Variants in CNBD2 observed in about 807,000 individuals in gnomAD.
CNBD2 encodes cyclic nucleotide-binding domain-containing protein 2.
In CNBD2, 64 loss-of-function variants were observed where a neutral mutation model predicts 63.7. That is an observed-to-expected ratio of 1.00 (90% CI 0.82 to 1.24). CNBD2 has a LOEUF of 1.24. CNBD2 is among the 50% of genes most tolerant of loss of function. The probability of loss-of-function intolerance (pLI) is 0.00; values close to 1 mark genes in which losing one functional copy is unlikely to be tolerated. For synonymous variants in CNBD2, 229 were observed against 255.4 expected (o/e 0.90, Z 0.99); for missense variants, 691 against 713.5 (o/e 0.97, Z 0.36).
chr20:36,024,354 C>T (rs111913087), intron 11 of CNBD2, among the ~76,000 whole-genome samples: 7,403 of 150,136 alleles, frequency 0.049, 454 homozygotes, highest in African/African-American at 0.14. Context: ...TAAGGCTGAG[C>T]GTGGTGGCTC....
downstream of CNBD2, among the ~76,000 whole-genome samples, chr20:35,956,036 ATCC>A (rs1458549884): frequency 5.9e-5 from 9 of 152,312 alleles, no homozygotes; most frequent in Non-Finnish European, 1.2e-4. Context: ...TAGGTTTTAT[ATCC>A]TCATTTTACA....
chr20:35,975,686 C>A (rs1183779764), intron 2 of CNBD2, among the ~76,000 whole-genome samples: 1 of 152,048 alleles, frequency 6.6e-6, no homozygotes, highest in Non-Finnish European at 1.5e-5. Flanking sequence ...CTCTCCTTTC[C>A]TGTTTCCTCC....
At chr20:36,013,348 T>G (rs1021738156) in intron 10 of CNBD2, among the ~76,000 whole-genome samples, 1 of 151,396 alleles carries the variant, frequency 6.6e-6, no homozygotes, top group Non-Finnish European at 1.5e-5. Flanking sequence ...AACCCGGGAG[T>G]TGGAGCTTGC....
upstream of CNBD2, among the ~76,000 whole-genome samples, chr20:35,966,394 T>A (rs1166443413): frequency 6.6e-6 from 1 of 152,074 alleles, no homozygotes; most frequent in African/African-American, 2.4e-5. Flanking sequence ...TACCTATCAG[T>A]TGGAGGAGAG....
chr20:36,002,176 C>A (rs537044738), intron 8 of CNBD2, among the ~76,000 whole-genome samples: 1 of 152,360 alleles, frequency 6.6e-6, no homozygotes, highest in African/African-American at 2.4e-5. Flanking sequence ...TGGCGGATCA[C>A]TCGCGGTTAG....
intron 8 of CNBD2, among the ~76,000 whole-genome samples, chr20:36,003,625 C>T (rs761663754): frequency 6.6e-6 from 1 of 152,168 alleles, no homozygotes; most frequent in Non-Finnish European, 1.5e-5. Flanking sequence ...TCCCTCTAAT[C>T]ATTTGGGGTG....
At chr20:35,981,248 C>T (rs2056595688) in intron 4 of CNBD2, among the ~76,000 whole-genome samples, 1 of 152,096 alleles carries the variant, frequency 6.6e-6, no homozygotes, top group South Asian at 2.1e-4. Flanking sequence ...CCCCCTTTCC[C>T]CTTCCCAAAA....
intron 4 of CNBD2, among the ~76,000 whole-genome samples, chr20:35,983,031 C>T (rs1025966875): frequency 6.6e-6 from 1 of 151,916 alleles, no homozygotes; most frequent in Non-Finnish European, 1.5e-5. Context: ...AATATCCCTT[C>T]CTTATTGATA....
rs146137425 is a variant in CNBD2, at chr20:35,998,078, G to A, written c.970+2926G>A. On this transcript the variant is annotated intron_variant, in intron 8 of 11. Coordinates refer to ENST00000373973, the MANE Select transcript of CNBD2 (RefSeq NM_001365709.1). ...TTTTTTTGAGAGGGAGTCTCGCTCTGTCACCCAGGCTGGAGTGCAGTGGTA... is the reference window on the plus strand; with the variant it reads ...TTTTTTTGAGAGGGAGTCTCGCTCTATCACCCAGGCTGGAGTGCAGTGGTA... Among the ~76,000 whole-genome samples the A allele has an allele frequency of 3.7e-3, 455 of 122,752 alleles. 4 individuals are homozygous for A. Among genetic ancestry groups the A allele is most frequent in the African/African-American group, 0.014 (438 of 30,878 alleles). 80.5% of individuals were successfully genotyped at this position (122,752 alleles called of 152,430 possible). A position where few individuals can be genotyped will look rare whatever the true frequency, so the allele number is the denominator to read the frequency against.
At chr20:36,006,228 C>T (rs1176340422) in intron 8 of CNBD2, among the ~76,000 whole-genome samples, 2 of 151,842 alleles carry the variant, frequency 1.3e-5, no homozygotes, top group African/African-American at 4.8e-5. Flanking sequence ...TGGGGTTTCA[C>T]CATGTTGGCC....
At chr20:35,983,070 T>C (rs2056617921) in intron 4 of CNBD2, among the ~76,000 whole-genome samples, 1 of 151,778 alleles carries the variant, frequency 6.6e-6, no homozygotes, top group African/African-American at 2.4e-5. Flanking sequence ...AACATGGGAC[T>C]GGGCACAGTG....
intron 1 of CNBD2, among the ~76,000 whole-genome samples, chr20:35,970,554 G>A (rs563456480): frequency 3.3e-5 from 5 of 152,020 alleles, no homozygotes; most frequent in South Asian, 2.1e-4. Context: ...CCACCACCAC[G>A]CCCGGCTAAT....
intron 10 of CNBD2, among the ~76,000 whole-genome samples, chr20:36,022,195 CTT>C (rs753206662): frequency 3.6e-5 from 2 of 56,260 alleles, no homozygotes; most frequent in Non-Finnish European, 3.3e-5. Context: ...TTTTTTTTTT[CTT>C]TTTTTTTTTT....
intron 10 of CNBD2, among the ~76,000 whole-genome samples, chr20:36,013,263 A>G (rs2057086690): frequency 6.6e-6 from 1 of 151,944 alleles, no homozygotes; most frequent in Non-Finnish European, 1.5e-5. Flanking sequence ...CTAAAAATAC[A>G]AAAAATTAGC....
At chr20:35,957,776 T>C (rs1170757669), downstream of CNBD2, 1 of 152,232 alleles carries the variant, frequency 6.6e-6, no homozygotes, top group African/African-American at 2.4e-5. Flanking sequence ...AGAAAGCTAG[T>C]AAGTGGTTTC....
upstream of CNBD2, among the ~76,000 whole-genome samples, chr20:35,967,544 TAAA>T (rs563739384): frequency 8.3e-6 from 1 of 119,950 alleles, no homozygotes; most frequent in African/African-American, 3.1e-5. Context: ...ACTGCTTTCT[TAAA>T]AAAAAAAAAA....
chr20:36,001,348 C>T (rs1399426886), intron 8 of CNBD2, among the ~76,000 whole-genome samples: 29 of 142,880 alleles, frequency 2.0e-4, no homozygotes, highest in Non-Finnish European at 3.2e-4. Flanking sequence ...CTGGGCGGGG[C>T]GGCTGGCAGG....
At chr20:35,999,562 A>G (rs890255629) in intron 8 of CNBD2, among the ~76,000 whole-genome samples, 3 of 152,194 alleles carry the variant, frequency 2.0e-5, no homozygotes, top group African/African-American at 7.2e-5. Flanking sequence ...GAATCTTACA[A>G]TGATATATTT....
chr20:35,967,622 G>A (rs891312159), upstream of CNBD2, among the ~76,000 whole-genome samples: 1 of 151,784 alleles, frequency 6.6e-6, no homozygotes, highest in South Asian at 2.1e-4. Flanking sequence ...GGAGGCTGAG[G>A]TGGGTGGATC....
Sources: gnomAD v4.1 joint callset for allele counts (sites outside exome capture counted in the v4.1 genomes callset) on GRCh38, gnomAD v4.1.1 for gene constraint, MANE v1.5 for transcripts, NCBI Gene and HGNC (gene_info 2026-07-23, HGNC 2026-07-21) for gene names.